Variants in VWA5B1 observed in about 807,000 individuals in gnomAD.
VWA5B1 encodes von Willebrand factor A domain-containing protein 5B1.
In VWA5B1, 115 loss-of-function variants were observed where a neutral mutation model predicts 118.2. The observed-to-expected ratio is 0.97, with a 90% CI of 0.84 to 1.14. The LOEUF is 1.14. Among genes scored for constraint, VWA5B1 ranks in the 50% most tolerant of loss-of-function variants. The pLI is 0.00. For missense variants in VWA5B1, 1,596 were observed against 1,603.8 expected, an observed-to-expected ratio of 1.00 and a Z score of 0.08; for synonymous variants, 682 against 658.4, an observed-to-expected ratio of 1.04 and a Z score of -0.55.
In VWA5B1 at chr1:20,337,843, A is replaced by G. The variant is rs1376053165; in HGVS notation, c.2133+7A>G. 7 of 1,551,508 alleles carry G rather than the reference A, an allele frequency of 4.5e-6. No homozygotes were observed. The South Asian group carries it at 7.1e-5, about 16-fold the overall frequency. ...GTGGCAGATTGATTTGCAGGTACCC[A>G]AGCAGGACAGATTAGGGAGGAGCTG... On this transcript the variant is annotated splice_region_variant and intron_variant, in intron 14 of 21. Coordinates refer to ENST00000289815, the MANE Select transcript of VWA5B1 (RefSeq NM_001039500.3).
intron 4 of VWA5B1, among the ~76,000 whole-genome samples, chr1:20,315,847 G>A (rs925678334): frequency 3.9e-5 from 6 of 152,354 alleles, no homozygotes; most frequent in Non-Finnish European, 4.4e-5. Context: ...GCCAGTCTCA[G>A]ACCAAAGAGC....
intron 6 of VWA5B1, 91 bp downstream of exon 6, chr1:20,318,812 CAGCT>C (rs2089113474): frequency 7.1e-7 from 1 of 1,406,096 alleles, no homozygotes; most frequent in African/African-American, 1.5e-5. Context: ...CCCCGCCCAG[CAGCT>C]AGCTAGCCAG....
Position 20,317,605 on chromosome 1 carries a change from C to T in VWA5B1, c.639C>T (p.Thr213=), listed in dbSNP as rs1020774425. ...NKLCLATLLN[T]EVSNPMEYEF... ...TGTGCCTGGCGACTCTCCTGAACAC[C>T]GAAGTGTCCAACCCCATGGAGTATG... The change falls in exon 5 of 22, where the codon ACC becomes ACT. Residue 213 remains threonine, a synonymous_variant. Transcript: ENST00000289815. The T allele has an allele frequency of 9.0e-6, 14 of 1,551,782 alleles. No homozygotes were observed. In the African/African-American group the frequency reaches 1.1e-4, roughly 12 times the overall value.
intron 2 of VWA5B1, among the ~76,000 whole-genome samples, chr1:20,311,507 G>A (rs2088847944): frequency 6.6e-6 from 1 of 152,244 alleles, no homozygotes; most frequent in Non-Finnish European, 1.5e-5. Flanking sequence ...AGGTAATACA[G>A]AAGGCAGGAC....
rs1557838616 is a variant in VWA5B1 at position 20,314,451 on chromosome 1, TCA to T, written c.424_425del (p.Thr142HisfsTer62). ...GGGACCATTGCCCCCATGGAGAATG[TCA>T]CCATCTTCATCAGCACCTCCTCGGA... On this transcript the variant is annotated frameshift_variant, in exon 4 of 22. Transcript: ENST00000289815. LOFTEE classifies it high-confidence loss of function. The T allele has an allele frequency of 6.4e-7, 1 of 1,551,796 alleles. No individual in the cohort carries two copies. Among genetic ancestry groups the T allele is most frequent in the Non-Finnish European group, 8.7e-7 (1 of 1,147,018 alleles).
chr1:20,322,379 C>T (rs1454031127), intron 7 of VWA5B1, among the ~76,000 whole-genome samples: 1 of 151,890 alleles, frequency 6.6e-6, no homozygotes, highest in Non-Finnish European at 1.5e-5. Flanking sequence ...AGCGTGAGAA[C>T]AAAGGAAATG....
intron 20 of VWA5B1, among the ~76,000 whole-genome samples, chr1:20,351,485 C>G (rs2090128761): frequency 1.3e-5 from 2 of 152,200 alleles, no homozygotes; most frequent in South Asian, 4.2e-4. Flanking sequence ...AACCCTGTCT[C>G]TACTAAAAAT....
rs1327268346 is a variant in VWA5B1, at chr1:20,352,115, A to G, written c.3084A>G (p.Pro1028=). The G allele has an allele frequency of 1.9e-6, 3 of 1,551,340 alleles. No individual in the cohort carries two copies. The highest frequency in any genetic ancestry group is 2.7e-5 in the African/African-American group (2 of 73,016). The change falls in exon 21 of 22, where the codon CCA becomes CCG. Residue 1028 remains proline, a synonymous_variant. Transcript: ENST00000289815. ...TRAAKGFLSK[P]LIKAVESTSG... is the part of the protein sequence containing the mutation. ...CAGCCAAGGGCTTCCTGAGCAAGCC[A>G]CTGATCAAAGCTGTGGAGTCGACCT... is the stretch of plus-strand genomic sequence containing the variant.
At chr1:20,344,426 G>A (rs1394580936) in intron 16 of VWA5B1, among the ~76,000 whole-genome samples, 7 of 152,320 alleles carry the variant, frequency 4.6e-5, no homozygotes, top group Middle Eastern at 3.4e-3. Flanking sequence ...CAGCTGAACA[G>A]CCCAGTGAAA....
rs181341537 is a variant in VWA5B1 at position 20,336,274 on chromosome 1, C to G, written c.1759-29C>G. ...TCCTTCCTGACACCTAGCCTCACTC[C>G]TAGCCCTCTTTTCTGTTTCTCCCTA... On this transcript the variant is annotated intron_variant, in intron 12 of 21. Transcript: ENST00000289815. The G allele has an allele frequency of 5.7e-5, 77 of 1,362,596 alleles. 1 individual carries two copies. In the East Asian group the frequency reaches 2.2e-3, roughly 38 times the overall value. The allele number at this position is 1,362,596 out of a possible 1,614,324, so 84.4% of individuals were successfully genotyped here.
rs1161999246 is a variant in VWA5B1 at position 20,356,249 on chromosome 1, A to G, written c.*1986A>G. 6.6e-6 allele frequency among the ~76,000 whole-genome samples: 1 copy of G among 152,224 alleles called. No homozygotes were observed. Among genetic ancestry groups the G allele is most frequent in the Non-Finnish European group, 1.5e-5 (1 of 68,034 alleles). ...GTTTTGAGTCAGAACACCCAGACTCAGGTCTCAGCCTAGTACTAGTTTGGG... is the reference window on the plus strand; with the variant it reads ...GTTTTGAGTCAGAACACCCAGACTCGGGTCTCAGCCTAGTACTAGTTTGGG... On this transcript the variant is annotated 3_prime_UTR_variant, in exon 22 of 22. Transcript: ENST00000289815.
Position 20,312,906 on chromosome 1 carries a change from C to G in VWA5B1, c.210C>G (p.Val70=), listed in dbSNP as rs996248924. The G allele has an allele frequency of 6.4e-7, 1 of 1,551,664 alleles. No individual in the cohort carries two copies. Among genetic ancestry groups the G allele is most frequent in the African/African-American group, 1.4e-5 (1 of 73,170 alleles). ...TTGAGGCAGTCATTGCCGACCGTGT[C>G]GTGACAGTACAGATCAAGGACAAAG... ...IGFEAVIADR[V]VTVQIKDKAK... Residue 70 remains valine (V), a synonymous_variant, in exon 3 of 22, where the codon GTC becomes GTG. Transcript: ENST00000289815.
chr1:20,305,065 A>G (rs2088609144), intron 1 of VWA5B1, among the ~76,000 whole-genome samples: 1 of 152,218 alleles, frequency 6.6e-6, no homozygotes, highest in South Asian at 2.1e-4. Flanking sequence ...CCTGGCCCTC[A>G]CAGGGATTAC....
rs534460431 is a variant in VWA5B1, at chr1:20,358,281, G to A, written c.*4018G>A. 1.3e-5 allele frequency among the ~76,000 whole-genome samples: 2 copies of A among 152,302 alleles called. No individual in the cohort carries two copies. The highest frequency in any genetic ancestry group is 2.9e-5 in the Non-Finnish European group (2 of 68,030). On this transcript the variant is annotated 3_prime_UTR_variant, in exon 22 of 22. Coordinates refer to ENST00000289815, the MANE Select transcript of VWA5B1 (RefSeq NM_001039500.3). ...CTCTTCAGAGACATGAAAAGCAAGG[G>A]TTCCTCCTTCTCCCTTCCAGCTGGT... is the stretch of plus-strand genomic sequence containing the variant.
chr1:20,295,640 G>C (rs1449955391), intron 1 of VWA5B1, among the ~76,000 whole-genome samples: 1 of 152,170 alleles, frequency 6.6e-6, no homozygotes, highest in Non-Finnish European at 1.5e-5. Context: ...CTGCCAAGAG[G>C]TTCCTTCCCT....
chr1:20,348,545 G>A (rs1036537461), intron 18 of VWA5B1, among the ~76,000 whole-genome samples, 187 bp downstream of exon 18: 1 of 152,042 alleles, frequency 6.6e-6, no homozygotes, highest in South Asian at 2.1e-4. Context: ...AGAGAGGCTC[G>A]GTATGGCCGG....
intron 1 of VWA5B1, among the ~76,000 whole-genome samples, chr1:20,295,795 C>T (rs2088395684): frequency 6.6e-6 from 1 of 152,154 alleles, no homozygotes; most frequent in Non-Finnish European, 1.5e-5. Flanking sequence ...AGTGTCCCCC[C>T]TTCCTTATTC....
chr1:20,306,340 G>A (rs980359960), intron 1 of VWA5B1, among the ~76,000 whole-genome samples: 1 of 152,062 alleles, frequency 6.6e-6, no homozygotes, highest in African/African-American at 2.4e-5. Context: ...AGATCAATGG[G>A]GGCTTGAGGG....
intron 7 of VWA5B1, among the ~76,000 whole-genome samples, chr1:20,321,879 G>A (rs1368828989): frequency 3.9e-5 from 6 of 152,312 alleles, no homozygotes; most frequent in African/African-American, 9.6e-5. Flanking sequence ...CAGGCAGGCA[G>A]GGGTCAAGCC....
Sources: allele counts gnomAD v4.1 joint callset (sites outside exome capture counted in the v4.1 genomes callset), GRCh38; gene constraint gnomAD v4.1.1; transcripts MANE v1.5; gene names NCBI Gene and HGNC (gene_info 2026-07-23, HGNC 2026-07-21).